Variants in ARL6IP6 observed in about 807,000 individuals in gnomAD.
ARL6IP6 encodes ARF like GTPase 6 interacting protein 6, also known as ADP-ribosylation factor-like protein 6-interacting protein 6.
ARL6IP6 carries 22 observed loss-of-function variants against 21.5 expected under a neutral mutation model. That is an observed-to-expected ratio of 1.02 (90% confidence interval 0.73 to 1.46). ARL6IP6 has a LOEUF of 1.46. Ranked by LOEUF, ARL6IP6 falls within the 40% of genes most tolerant of loss-of-function variation. ARL6IP6 has a pLI of 0.00. For missense variants in ARL6IP6, 388 were observed against 299.8 expected (o/e 1.29, Z -2.17); for synonymous variants, 164 against 125.3 (o/e 1.31, Z -2.06).
intron 2 of ARL6IP6, among the ~76,000 whole-genome samples, chr2:152,725,800 G>A (rs1700017768): frequency 6.6e-6 from 1 of 152,194 alleles, no homozygotes; most frequent in Non-Finnish European, 1.5e-5. Flanking sequence ...CATTTTTGGT[G>A]TACATGACTT....
chr2:152,746,720 T>G (rs1476871779), intron 3 of ARL6IP6, among the ~76,000 whole-genome samples: 1 of 152,096 alleles, frequency 6.6e-6, no homozygotes, highest in Non-Finnish European at 1.5e-5. Context: ...AGGTTTTCTT[T>G]TCTTAAGGTT....
intron 2 of ARL6IP6, among the ~76,000 whole-genome samples, chr2:152,724,639 G>C (rs181616059): frequency 6.6e-6 from 1 of 152,172 alleles, no homozygotes; most frequent in Non-Finnish European, 1.5e-5. Flanking sequence ...ACATTGTGTG[G>C]TACTCTGTAG....
chr2:152,732,902 T>C (rs79522529), intron 2 of ARL6IP6, among the ~76,000 whole-genome samples: 1 of 152,100 alleles, frequency 6.6e-6, no homozygotes, highest in Admixed American at 6.5e-5. Flanking sequence ...TTTTTTTTTT[T>C]CCAAATATTT....
At chr2:152,720,398 T>G in intron 1 of ARL6IP6, 135 bp from the exon 2 acceptor site, 1 of 807,376 alleles carries the variant, frequency 1.2e-6, no homozygotes, top group Non-Finnish European at 2.1e-6. Flanking sequence ...AGCTGGTAAA[T>G]TGAATCAGAA....
At chr2:152,740,927 A>G (rs1345883266) in intron 3 of ARL6IP6, among the ~76,000 whole-genome samples, 1 of 152,132 alleles carries the variant, frequency 6.6e-6, no homozygotes, top group African/African-American at 2.4e-5. Flanking sequence ...CAGAAATGTC[A>G]GATTAAGTAT....
In ARL6IP6 at chr2:152,762,351, T is replaced by C. The variant is rs78430840; in HGVS notation, c.*2511T>C. Among the ~76,000 whole-genome samples, 4 of 152,382 alleles carry C rather than the reference T, an allele frequency of 2.6e-5. No homozygotes were observed. In the East Asian group the frequency reaches 7.7e-4, roughly 29 times the overall value. ...AGCCCAGTGGCAATCCTGCCATTCTTGATACGTGAGTCAATAAATTTCTGT... is the reference window on the plus strand; with the variant it reads ...AGCCCAGTGGCAATCCTGCCATTCTCGATACGTGAGTCAATAAATTTCTGT... On this transcript the variant is annotated 3_prime_UTR_variant, in exon 4 of 4. Transcript: ENST00000326446.
At position 152,718,698 on chromosome 2, in the gene ARL6IP6, G is replaced by T; in HGVS notation, c.74G>T (p.Arg25Leu). 6.3e-7 allele frequency: 1 copy of T among 1,595,890 alleles called. No homozygotes were observed. ...CCCGGCACCCCGGGCCCTGTGGCTC[G>T]GCCATCGTATTCCTCCTTTACTCAG... is the stretch of plus-strand genomic sequence containing the variant. ...RGPGTPGPVARPSYSSFTQGD... is the reference protein window; with the variant it reads ...RGPGTPGPVALPSYSSFTQGD... Residue 25 changes from arginine to leucine, a missense_variant, in exon 1 of 4, where the codon CGG (arginine) becomes CTG (leucine). Arg to Leu is a moderately radical substitution (Grantham distance 102). Transcript: ENST00000326446.
At chr2:152,748,850 G>A (rs1408032152) in intron 3 of ARL6IP6, among the ~76,000 whole-genome samples, 2 of 152,214 alleles carry the variant, frequency 1.3e-5, no homozygotes, top group Admixed American at 1.3e-4. Flanking sequence ...CTGGTGTTTA[G>A]TATTGTAGTA....
At chr2:152,721,121 C>G (rs1429490844) in intron 2 of ARL6IP6, among the ~76,000 whole-genome samples, 2 of 152,102 alleles carry the variant, frequency 1.3e-5, no homozygotes, top group Admixed American at 6.5e-5. Flanking sequence ...TTAATGGGTA[C>G]TGGTATGTGT....
chr2:152,742,570 TAAAAAAAAAAAAA>T lies in ARL6IP6; in HGVS notation c.587+7455_587+7467del, dbSNP rs71396304. ...CAGTGACAGAGCAAGATACGCTCTTTAAAAAAAAAAAAAAAAAAAAAAAGAACTTTGGGGTTCA... is the reference window on the plus strand; with the variant it reads ...CAGTGACAGAGCAAGATACGCTCTTTAAAAAAAAAAGAACTTTGGGGTTCA... On this transcript the variant is annotated intron_variant, in intron 3 of 3. Transcript: ENST00000326446. 9.5e-5 allele frequency among the ~76,000 whole-genome samples: 11 copies of T among 115,988 alleles called. No individual in the cohort carries two copies. The East Asian group carries it at 1.5e-3, about 16-fold the overall frequency. The allele number at this position is 115,988 out of a possible 152,430, so 76.1% of individuals were successfully genotyped here. A position where few individuals can be genotyped will look rare whatever the true frequency, so the allele number is the denominator to read the frequency against.
chr2:152,723,579 C>T (rs1442561004), intron 2 of ARL6IP6, among the ~76,000 whole-genome samples: 1 of 152,164 alleles, frequency 6.6e-6, no homozygotes. Context: ...AAAGAGTTCT[C>T]TTTCTTTTTC....
intron 3 of ARL6IP6, among the ~76,000 whole-genome samples, chr2:152,754,151 A>G (rs1046356959): frequency 6.6e-6 from 1 of 151,996 alleles, no homozygotes; most frequent in Non-Finnish European, 1.5e-5. Flanking sequence ...TTCAGCAACC[A>G]TCACTGCTAG....
At position 152,739,636 on chromosome 2, in the gene ARL6IP6, C is replaced by G. The variant is rs371224257; in HGVS notation, c.587+4510C>G. Among the ~76,000 whole-genome samples, 4 of 152,178 alleles carry G rather than the reference C, an allele frequency of 2.6e-5. No individual in the cohort carries two copies. The East Asian group carries it at 7.7e-4, about 29-fold the overall frequency. Reference sequence around the variant, plus strand: ...CACCCTCCAAACTATTTCAACCTCTCCCTGTTACCTAGTTCCAAAGTTACT... The same window carrying G: ...CACCCTCCAAACTATTTCAACCTCTGCCTGTTACCTAGTTCCAAAGTTACT... On this transcript the variant is annotated intron_variant, in intron 3 of 3. Coordinates refer to ENST00000326446, the MANE Select transcript of ARL6IP6 (RefSeq NM_152522.7).
chr2:152,725,493 AAG>A (rs1293461780), intron 2 of ARL6IP6, among the ~76,000 whole-genome samples: 18 of 152,224 alleles, frequency 1.2e-4, no homozygotes, highest in Admixed American at 9.8e-4. Flanking sequence ...AAATGCAAAA[AAG>A]AATTATTGGG....
chr2:152,721,878 A>G (rs1699809470), intron 2 of ARL6IP6, among the ~76,000 whole-genome samples: 1 of 152,360 alleles, frequency 6.6e-6, no homozygotes, highest in South Asian at 2.1e-4. Context: ...TGTTCTTGTC[A>G]ACATCTTGCA....
intron 3 of ARL6IP6, among the ~76,000 whole-genome samples, chr2:152,758,436 ATTG>A (rs1224709309): frequency 6.6e-6 from 1 of 152,118 alleles, no homozygotes; most frequent in Non-Finnish European, 1.5e-5. Context: ...GATAATGCTG[ATTG>A]TTCAACTTTA....
chr2:152,729,843 A>T (rs749584077), intron 2 of ARL6IP6, among the ~76,000 whole-genome samples: 1 of 152,006 alleles, frequency 6.6e-6, no homozygotes, highest in Non-Finnish European at 1.5e-5. Context: ...AGGAAGGAAG[A>T]ATTTCATTTA....
In ARL6IP6 at chr2:152,718,977, C is replaced by T. The variant is rs1323180675; in HGVS notation, c.353C>T (p.Ala118Val). The change falls in exon 1 of 4, where the codon GCC becomes GTC. Residue 118 changes from alanine to valine, a missense_variant. Ala to Val is a moderately conservative substitution (Grantham distance 64). Coordinates refer to ENST00000326446, the MANE Select transcript of ARL6IP6 (RefSeq NM_152522.7). The part of the protein sequence containing the change: ...VLSILCSLLF[A>V]ILLAFLLAIA... ...TCTATTCTCTGCTCGCTGCTCTTCG[C>T]CATTCTTCTCGCCTTCCTCCTCGCC... 4 of 1,591,024 alleles carry T rather than the reference C, an allele frequency of 2.5e-6. No individual in the cohort carries two copies. The highest frequency in any genetic ancestry group is 1.8e-5 in the Admixed American group (1 of 56,726).
chr2:152,732,592 T>A (rs550642708), intron 2 of ARL6IP6: 1 of 444,090 alleles, frequency 2.3e-6, no homozygotes, highest in South Asian at 1.7e-5. Context: ...TATGTTTTAT[T>A]TAAAAATTTT....
Sources: gnomAD v4.1 joint callset for allele counts (sites outside exome capture counted in the v4.1 genomes callset) on GRCh38, gnomAD v4.1.1 for gene constraint, MANE v1.5 for transcripts, NCBI Gene and HGNC (gene_info 2026-07-23, HGNC 2026-07-21) for gene names.